Variants in CADPS2 observed in about 807,000 individuals in gnomAD.
CADPS2 encodes calcium-dependent secretion activator 2.
A neutral mutation model predicts 172.5 loss-of-function variants in CADPS2; 93 were observed. That is an observed-to-expected ratio of 0.54 (90% CI 0.46 to 0.64). CADPS2 has a LOEUF of 0.64. CADPS2 is among the 30% of genes least tolerant of loss of function. CADPS2 has a pLI of 0.00. For missense variants in CADPS2, 1,420 were observed against 1,565.9 expected (o/e 0.91, Z 1.57); for synonymous variants, 546 against 555.2 (o/e 0.98, Z 0.23).
At chr7:122,538,787 C>T (rs1490707333) in intron 8 of CADPS2, among the ~76,000 whole-genome samples, 6 of 151,916 alleles carry the variant, frequency 3.9e-5, no homozygotes, top group Non-Finnish European at 8.8e-5. Flanking sequence ...GAAATTCTTG[C>T]ACAGGACTGT....
At chr7:122,372,735 CTTAGAATT>C (rs1426574292) in intron 25 of CADPS2, among the ~76,000 whole-genome samples, 1 of 152,146 alleles carries the variant, frequency 6.6e-6, no homozygotes, top group African/African-American at 2.4e-5. Flanking sequence ...CGACATGACT[CTTAGAATT>C]TGACAGTGTA....
chr7:122,654,201 G>C (rs912562218), intron 3 of CADPS2, among the ~76,000 whole-genome samples: 3 of 152,190 alleles, frequency 2.0e-5, no homozygotes, highest in Non-Finnish European at 4.4e-5. Flanking sequence ...CCATAACATG[G>C]AAATGCAAGG....
At chr7:122,790,028 GT>G (rs747647291) in intron 1 of CADPS2, among the ~76,000 whole-genome samples, 1,514 of 126,632 alleles carry the variant, frequency 0.012, 11 homozygotes, top group Admixed American at 0.033. Flanking sequence ...AATATTAAGT[GT>G]TTTTTTTTTT....
intron 1 of CADPS2, among the ~76,000 whole-genome samples, chr7:122,807,274 T>A (rs554573527): frequency 6.6e-6 from 1 of 152,208 alleles, no homozygotes; most frequent in Admixed American, 6.5e-5. Context: ...GCTCCAAGAC[T>A]CACATCACTT....
At chr7:122,366,817 G>C (rs1344548141) in intron 25 of CADPS2, 1 of 150,918 alleles carries the variant, frequency 6.6e-6, no homozygotes, top group East Asian at 1.9e-4. Flanking sequence ...TATTCCAACT[G>C]ACTCCTAAAA....
intron 2 of CADPS2, among the ~76,000 whole-genome samples, chr7:122,696,515 GGAA>G (rs56136329): frequency 0.99 from 151,087 of 152,148 alleles, 75,023 homozygotes; most frequent in Non-Finnish European, 1. Context: ...CCATGGTCAT[GGAA>G]GCAGTTATAG....
intron 1 of CADPS2, among the ~76,000 whole-genome samples, chr7:122,762,022 A>T (rs1246976411): frequency 1.2e-5 from 1 of 82,646 alleles, no homozygotes; most frequent in South Asian, 5.0e-4. Flanking sequence ...AAATATATAT[A>T]TATATATACA....
chr7:122,523,095 G>A (rs2060941205), intron 8 of CADPS2, among the ~76,000 whole-genome samples: 1 of 151,932 alleles, frequency 6.6e-6, no homozygotes, highest in South Asian at 2.1e-4. Context: ...GACATTAGTG[G>A]GATTGTTGGA....
At chr7:122,703,934 G>A (rs190386268) in intron 2 of CADPS2, among the ~76,000 whole-genome samples, 17 of 152,066 alleles carry the variant, frequency 1.1e-4, no homozygotes, top group South Asian at 6.2e-4. Flanking sequence ...GAATCTTTAC[G>A]GCTTTAAAGA....
intron 7 of CADPS2, among the ~76,000 whole-genome samples, chr7:122,561,101 A>C (rs1448343780): frequency 6.6e-6 from 1 of 152,138 alleles, no homozygotes; most frequent in Non-Finnish European, 1.5e-5. Context: ...CTTAGTGAAA[A>C]CAAAGAACAC....
intron 8 of CADPS2, among the ~76,000 whole-genome samples, chr7:122,533,671 A>G (rs1210668168): frequency 6.6e-6 from 1 of 152,184 alleles, no homozygotes; most frequent in Non-Finnish European, 1.5e-5. Context: ...CAAATTGCTA[A>G]CATGTCATGT....
Position 122,554,696 on chromosome 7 carries a change from G to A in CADPS2, c.1336-7C>T. The A allele has an allele frequency of 1.9e-6, 3 of 1,573,036 alleles. No individual in the cohort carries two copies. The highest frequency in any genetic ancestry group is 2.6e-6 in the Non-Finnish European group (3 of 1,160,144). ...AAGTTGGGTATAATATCACCTGTAT[G>A]GAAAAAAAAACCCACATTTAAACGC... On this transcript the variant is annotated splice_region_variant and splice_polypyrimidine_tract_variant and intron_variant, in intron 7 of 29. Transcript: ENST00000449022.
At chr7:122,406,507 G>A (rs2046654393) in intron 20 of CADPS2, among the ~76,000 whole-genome samples, 1 of 152,172 alleles carries the variant, frequency 6.6e-6, no homozygotes, top group Non-Finnish European at 1.5e-5. Flanking sequence ...TCTCATTTGG[G>A]TCTGGGTTAT....
intron 2 of CADPS2, among the ~76,000 whole-genome samples, chr7:122,678,615 T>C (rs2082630323): frequency 6.6e-6 from 1 of 152,110 alleles, no homozygotes; most frequent in Non-Finnish European, 1.5e-5. Flanking sequence ...ATAGGATGGG[T>C]TGCACCACTA....
At chr7:122,733,301 T>C (rs746299116) in intron 2 of CADPS2, among the ~76,000 whole-genome samples, 74 of 152,008 alleles carry the variant, frequency 4.9e-4, no homozygotes, top group Admixed American at 2.8e-3. Flanking sequence ...AAGATCAAAA[T>C]ATACAGTTTC....
intron 1 of CADPS2, among the ~76,000 whole-genome samples, chr7:122,862,303 G>A (rs765779040): frequency 1.3e-5 from 2 of 152,162 alleles, no homozygotes; most frequent in Non-Finnish European, 2.9e-5. Flanking sequence ...TGTGCCTTGG[G>A]AGGCTAAGGA....
intron 3 of CADPS2, among the ~76,000 whole-genome samples, chr7:122,649,744 G>C (rs1427392397): frequency 6.6e-6 from 1 of 151,890 alleles, no homozygotes. Context: ...ACATCTATAT[G>C]ATTTATACAT....
At chr7:122,465,790 A>C (rs1214428038) in intron 14 of CADPS2, among the ~76,000 whole-genome samples, 1 of 152,156 alleles carries the variant, frequency 6.6e-6, no homozygotes, top group Non-Finnish European at 1.5e-5. Context: ...GCAAGTGGGA[A>C]AGCTCCCCAG....
At chr7:122,686,603 T>G (rs901867429) in intron 2 of CADPS2, among the ~76,000 whole-genome samples, 1 of 152,218 alleles carries the variant, frequency 6.6e-6, no homozygotes, top group African/African-American at 2.4e-5. Flanking sequence ...CTGAGGCTGC[T>G]CGAAGATGCT....
Sources: allele counts gnomAD v4.1 joint callset (sites outside exome capture counted in the v4.1 genomes callset), GRCh38; gene constraint gnomAD v4.1.1; transcripts MANE v1.5; gene names NCBI Gene and HGNC (gene_info 2026-07-23, HGNC 2026-07-21).